Variants in MYCBP2 observed in about 807,000 individuals in gnomAD.
MYCBP2 encodes the protein MYC binding protein 2, also known as E3 ubiquitin-protein ligase MYCBP2.
In MYCBP2, 120 loss-of-function variants were observed where a neutral mutation model predicts 525.3. The observed-to-expected ratio is 0.23, with a 90% confidence interval of 0.20 to 0.27. The LOEUF (loss-of-function observed/expected upper bound fraction) is 0.27, where lower values mean the gene tolerates loss of function less well. Among genes scored for constraint, MYCBP2 ranks in the 10% least tolerant of loss-of-function variants. The pLI, the probability that MYCBP2 is intolerant of heterozygous loss-of-function variation, is 1.00. For missense variants in MYCBP2, 4,149 were observed against 5,657.1 expected (o/e 0.73, Z 8.55); for synonymous variants, 1,894 against 1,955.8 (o/e 0.97, Z 0.83).
intron 1 of MYCBP2, among the ~76,000 whole-genome samples, chr13:77,315,732 T>TA (rs1834176109): frequency 6.6e-6 from 1 of 151,742 alleles, no homozygotes; most frequent in Admixed American, 6.6e-5. Flanking sequence ...TCATCTCTAC[T>TA]AAAAATACAA....
chr13:77,062,343 C>G (rs989232704), intron 74 of MYCBP2, among the ~76,000 whole-genome samples: 1 of 152,082 alleles, frequency 6.6e-6, no homozygotes, highest in African/African-American at 2.4e-5. Flanking sequence ...TGATATGATG[C>G]AAACATGACT....
chr13:77,057,196 A>C (rs2038273013), intron 78 of MYCBP2, 103 bp from the exon 79 acceptor site: 2 of 712,350 alleles, frequency 2.8e-6, no homozygotes, highest in Non-Finnish European at 4.7e-6. Context: ...AGCAGGTAAG[A>C]GAAAAATCAA....
At chr13:77,247,659 A>C (rs2070294034) in intron 15 of MYCBP2, among the ~76,000 whole-genome samples, 1 of 152,238 alleles carries the variant, frequency 6.6e-6, no homozygotes, top group African/African-American at 2.4e-5. Flanking sequence ...TTTTGACTTC[A>C]AAACTTACTA....
intron 17 of MYCBP2, among the ~76,000 whole-genome samples, chr13:77,234,332 TA>T: frequency 6.6e-6 from 1 of 151,984 alleles, no homozygotes; most frequent in Non-Finnish European, 1.5e-5. Context: ...CATTTTTATT[TA>T]AAACAAGTTT....
intron 20 of MYCBP2, among the ~76,000 whole-genome samples, chr13:77,222,219 G>A (rs894738164): frequency 1.3e-5 from 2 of 152,136 alleles, no homozygotes; most frequent in African/African-American, 4.8e-5. Flanking sequence ...TCTAACACCT[G>A]TGACAGTAAT....
At chr13:77,300,393 G>A (rs56380130) in intron 1 of MYCBP2, among the ~76,000 whole-genome samples, 3,067 of 152,304 alleles carry the variant, frequency 0.02, 57 homozygotes, top group Middle Eastern at 0.075. Flanking sequence ...AAAGAGAGGA[G>A]TGTGCATATA....
chr13:77,294,859 C>T (rs1224139541), intron 2 of MYCBP2, among the ~76,000 whole-genome samples: 1 of 152,160 alleles, frequency 6.6e-6, no homozygotes, highest in East Asian at 1.9e-4. Flanking sequence ...TTTCATGTGG[C>T]CTATTCACCA....
intron 6 of MYCBP2, 65 bp from the exon 7 acceptor site, chr13:77,270,128 C>T (rs1212898737): frequency 6.7e-7 from 1 of 1,498,532 alleles, no homozygotes; most frequent in Non-Finnish European, 9.1e-7. Context: ...AAAAATAATA[C>T]AAATGGGTGA....
At chr13:77,136,237 G>A (rs184430336) in intron 52 of MYCBP2, among the ~76,000 whole-genome samples, 6 of 152,286 alleles carry the variant, frequency 3.9e-5, no homozygotes, top group East Asian at 1.9e-4. Flanking sequence ...TGACTTCCAC[G>A]TGCACTGCAC....
chr13:77,159,928 C>G (rs889199417), intron 44 of MYCBP2, among the ~76,000 whole-genome samples: 1 of 152,024 alleles, frequency 6.6e-6, no homozygotes, highest in African/African-American at 2.4e-5. Flanking sequence ...TATTTTGAAT[C>G]TTAAGGTACA....
At chr13:77,053,383 T>A (rs893450674) in intron 80 of MYCBP2, among the ~76,000 whole-genome samples, 5 of 152,186 alleles carry the variant, frequency 3.3e-5, no homozygotes, top group African/African-American at 4.8e-5. Flanking sequence ...TGTCTCATAG[T>A]CAAAAAGCTA....
intron 55 of MYCBP2, among the ~76,000 whole-genome samples, chr13:77,101,565 T>A (rs2047070436): frequency 1.3e-5 from 2 of 152,088 alleles, no homozygotes; most frequent in African/African-American, 4.8e-5. Flanking sequence ...TTAGAAAGAA[T>A]AGGCATTTGT....
At chr13:77,194,574 T>C (rs927444709) in intron 26 of MYCBP2, among the ~76,000 whole-genome samples, 2 of 152,138 alleles carry the variant, frequency 1.3e-5, no homozygotes, top group African/African-American at 4.8e-5. Context: ...AAATTTTAAC[T>C]AAGTGAGTCT....
At chr13:77,169,271 C>A (rs1185404632) in intron 39 of MYCBP2, among the ~76,000 whole-genome samples, 2 of 151,938 alleles carry the variant, frequency 1.3e-5, no homozygotes, top group Non-Finnish European at 2.9e-5. Flanking sequence ...TGGCGGGCGC[C>A]TGTAGTCCCA....
chr13:77,275,465 G>A (rs1481469034), intron 4 of MYCBP2, among the ~76,000 whole-genome samples: 4 of 152,050 alleles, frequency 2.6e-5, no homozygotes, highest in Admixed American at 6.6e-5. Context: ...ACTTATAATC[G>A]AATTCACTCC....
At chr13:77,141,088 A>C in intron 49 of MYCBP2, 145 bp from the exon 50 acceptor site, 1 of 589,400 alleles carries the variant, frequency 1.7e-6, no homozygotes, top group Non-Finnish European at 2.9e-6. Flanking sequence ...TGGATATTTA[A>C]TAGGCTAAAC....
In MYCBP2 at chr13:77,326,422, G is replaced by C; in HGVS notation, c.302+52C>G. 6.8e-7 allele frequency: 1 copy of C among 1,480,662 alleles called. No individual in the cohort carries two copies. The highest frequency in any genetic ancestry group is 8.9e-7 in the Non-Finnish European group (1 of 1,118,934). 91.7% of individuals were successfully genotyped at this position (1,480,662 alleles called of 1,614,324 possible). A position where few individuals can be genotyped will look rare whatever the true frequency, so the allele number is the denominator to read the frequency against. On this transcript the variant is annotated intron_variant, in intron 1 of 82. Coordinates refer to ENST00000544440, the MANE Select transcript of MYCBP2 (RefSeq NM_015057.5). The surrounding 1 kb of genome is among the most constrained non-coding windows in gnomAD (Gnocchi z 4.2). Reference sequence around the variant, plus strand: ...ACACGCGGGTGCACGCGCGGCATGGGGCGCAAGGAAGGGCGGCATGGGGCG... The same window carrying C: ...ACACGCGGGTGCACGCGCGGCATGGCGCGCAAGGAAGGGCGGCATGGGGCG...
intron 21 of MYCBP2, among the ~76,000 whole-genome samples, chr13:77,212,669 A>G (rs1275484762): frequency 1.3e-5 from 2 of 152,198 alleles, no homozygotes; most frequent in South Asian, 2.1e-4. Context: ...TTTTCACATG[A>G]TATGTCCCTA....
In MYCBP2 at chr13:77,098,977, G is replaced by T; in HGVS notation, c.8177C>A (p.Ala2726Asp). 1 of 1,610,640 alleles carries T rather than the reference G, an allele frequency of 6.2e-7. No individual in the cohort carries two copies. Among genetic ancestry groups the T allele is most frequent in the South Asian group, 1.1e-5 (1 of 91,048 alleles). Residue 2726 changes from alanine to aspartate, a missense_variant, in exon 56 of 83, where the codon GCC (alanine) becomes GAC (aspartate). Ala to Asp is a moderately radical substitution (Grantham distance 126, BLOSUM62 -2). Transcript: ENST00000544440. Reference protein sequence around the residue: ...RGNISTSSKPASTSGKSELSS... With the variant: ...RGNISTSSKPDSTSGKSELSS... Reference sequence around the variant, plus strand: ...CAGCTCTGATTTTCCTGATGTAGAGGCTGGTTTAGAAGATGTTGAGATGTT... The same window carrying T: ...CAGCTCTGATTTTCCTGATGTAGAGTCTGGTTTAGAAGATGTTGAGATGTT...
Sources: allele counts gnomAD v4.1 joint callset (sites outside exome capture counted in the v4.1 genomes callset), GRCh38; gene constraint gnomAD v4.1.1; non-coding constraint Gnocchi (gnomAD v3.1); transcripts MANE v1.5; gene names NCBI Gene and HGNC (gene_info 2026-07-23, HGNC 2026-07-21).